Variants in RUNX1 observed in about 807,000 individuals in gnomAD.
RUNX1 encodes the protein RUNX family transcription factor 1, also known as runt-related transcription factor 1.
In RUNX1, 19 loss-of-function variants were observed where a neutral mutation model predicts 42.8. The ratio of observed to expected loss-of-function variants is 0.44; its 90% CI spans 0.31 to 0.65. The LOEUF (loss-of-function observed/expected upper bound fraction) is 0.65. RUNX1 is among the 30% of genes least tolerant of loss of function. RUNX1 has a pLI of 0.07. For synonymous variants in RUNX1, 271 were observed against 289.4 expected, an observed-to-expected ratio of 0.94 and a Z score of 0.64; for missense variants, 528 against 672.0, an observed-to-expected ratio of 0.79 and a Z score of 2.37.
At chr21:35,043,565 ATTTGTGATGTGT>A (rs1203783035) in intron 2 of RUNX1, among the ~76,000 whole-genome samples, 1 of 152,186 alleles carries the variant, frequency 6.6e-6, no homozygotes, top group African/African-American at 2.4e-5. Flanking sequence ...AGCTAAGAAG[ATTTGTGATGTGT>A]TTTATGGTAC....
chr21:35,041,861 A>G (rs1327306886), intron 2 of RUNX1, among the ~76,000 whole-genome samples: 1 of 152,190 alleles, frequency 6.6e-6, no homozygotes, highest in Non-Finnish European at 1.5e-5. Flanking sequence ...ATCAGAGATA[A>G]AAACCTCTTT....
chr21:34,894,026 G>T (rs2058109087), intron 2 of RUNX1, among the ~76,000 whole-genome samples: 1 of 152,128 alleles, frequency 6.6e-6, no homozygotes. Context: ...TAGATAAAAT[G>T]ACTCCATGAA....
intron 2 of RUNX1, among the ~76,000 whole-genome samples, chr21:34,923,431 G>A (rs971428643): frequency 1.3e-5 from 2 of 152,160 alleles, no homozygotes; most frequent in Non-Finnish European, 2.9e-5. Flanking sequence ...AGTTATGCAC[G>A]TTTTTAAGTT....
chr21:34,932,541 A>C (rs2058455084), intron 2 of RUNX1, among the ~76,000 whole-genome samples: 1 of 152,158 alleles, frequency 6.6e-6, no homozygotes, highest in Non-Finnish European at 1.5e-5. Flanking sequence ...ATCTTTACCT[A>C]TGTAAAACAG....
chr21:34,794,978 A>G (rs8132222), intron 8 of RUNX1, among the ~76,000 whole-genome samples: 13,183 of 152,218 alleles, frequency 0.087, 1,568 homozygotes, highest in African/African-American at 0.27. Context: ...GCAGATGTAG[A>G]AGGGCACCCT....
In RUNX1 at chr21:34,972,318, A is replaced by G. The variant is rs183482093; in HGVS notation, c.58+76524T>C. 1.1e-3 allele frequency among the ~76,000 whole-genome samples: 168 copies of G among 152,280 alleles called. 1 individual carries two copies. The highest frequency in any genetic ancestry group is 3.8e-3 in the African/African-American group (159 of 41,560). ...CTATGGCAAAACATTTTCCAATTCT[A>G]TGGTAATTAAATAAATAGAAGTTTT... On this transcript the variant is annotated intron_variant, in intron 2 of 8. Coordinates refer to ENST00000675419, the MANE Select transcript of RUNX1 (RefSeq NM_001754.5).
At chr21:34,842,006 CTGAA>C (rs892526943) in intron 6 of RUNX1, among the ~76,000 whole-genome samples, 31 of 151,990 alleles carry the variant, frequency 2.0e-4, no homozygotes, top group African/African-American at 6.8e-4. Flanking sequence ...CTAATGTTGG[CTGAA>C]TGAATGAATG....
chr21:34,874,346 A>T (rs1030087268), intron 5 of RUNX1, among the ~76,000 whole-genome samples: 15 of 152,022 alleles, frequency 9.9e-5, no homozygotes, highest in African/African-American at 3.6e-4. Context: ...ACGGTGGCTC[A>T]CGACTGTAAT....
rs2057559305 is a variant in RUNX1 at position 34,860,544 on chromosome 21, T to G, written c.509-966A>C. Among the ~76,000 whole-genome samples the G allele has an allele frequency of 4.6e-5, 7 of 152,056 alleles. No individual in the cohort carries two copies. The South Asian group carries it at 1.5e-3, about 32-fold the overall frequency. ...GTGTGTCTGTGCGTGTGTGTGTGTG[T>G]GTGTGTGTATGTTGTCTGCTTTATT... On this transcript the variant is annotated intron_variant, in intron 5 of 8. Transcript: ENST00000675419.
intron 2 of RUNX1, among the ~76,000 whole-genome samples, chr21:34,948,279 A>C (rs76436004): frequency 2.6e-5 from 4 of 152,264 alleles, no homozygotes; most frequent in Non-Finnish European, 5.9e-5. Context: ...GCCAACGTGC[A>C]CCTAACCTGA....
At chr21:34,852,339 C>CT (rs2057434351) in intron 6 of RUNX1, among the ~76,000 whole-genome samples, 1 of 152,168 alleles carries the variant, frequency 6.6e-6, no homozygotes, top group Non-Finnish European at 1.5e-5. Flanking sequence ...ATTCCCTTCA[C>CT]GGTCCTCTTA....
At chr21:34,903,045 T>A (rs964261259) in intron 2 of RUNX1, among the ~76,000 whole-genome samples, 2 of 152,134 alleles carry the variant, frequency 1.3e-5, no homozygotes, top group African/African-American at 4.8e-5. Context: ...AAAAAGCAGA[T>A]TCAAGAAGAT....
intron 5 of RUNX1, among the ~76,000 whole-genome samples, chr21:34,877,710 G>A (rs1464845435): frequency 6.6e-6 from 1 of 152,228 alleles, no homozygotes; most frequent in Non-Finnish European, 1.5e-5. Flanking sequence ...GTTAGGAGCT[G>A]TGATCCTGGA....
At chr21:34,980,859 G>C (rs148899841) in intron 2 of RUNX1, among the ~76,000 whole-genome samples, 1 of 152,296 alleles carries the variant, frequency 6.6e-6, no homozygotes, top group African/African-American at 2.4e-5. Context: ...ACAGAACCTG[G>C]AATCATCAGC....
chr21:34,891,526 C>G (rs1470925891), intron 3 of RUNX1, among the ~76,000 whole-genome samples: 1 of 152,068 alleles, frequency 6.6e-6, no homozygotes, highest in Non-Finnish European at 1.5e-5. Context: ...CCTGCACTTT[C>G]AAGGACAGCC....
At chr21:34,922,737 C>T (rs1411953247) in intron 2 of RUNX1, among the ~76,000 whole-genome samples, 1 of 152,182 alleles carries the variant, frequency 6.6e-6, no homozygotes, top group Non-Finnish European at 1.5e-5. Flanking sequence ...CCTCATTGTC[C>T]TTCTGGTAGG....
intron 2 of RUNX1, among the ~76,000 whole-genome samples, chr21:34,993,498 T>TAC (rs71324340): frequency 0.31 from 39,960 of 128,172 alleles, 6,296 homozygotes; most frequent in South Asian, 0.37. Flanking sequence ...TGTTTGTCCC[T>TAC]ACACACACAC....
At chr21:34,915,327 C>A (rs993380171) in intron 2 of RUNX1, among the ~76,000 whole-genome samples, 3 of 151,958 alleles carry the variant, frequency 2.0e-5, no homozygotes. Flanking sequence ...GGGAGTGCAC[C>A]CTTTATGAGG....
At chr21:34,964,026 G>C (rs1197959517) in intron 2 of RUNX1, among the ~76,000 whole-genome samples, 1 of 152,174 alleles carries the variant, frequency 6.6e-6, no homozygotes, top group Non-Finnish European at 1.5e-5. Context: ...TTTTACCCCT[G>C]TACTCACAGA....
Sources: gnomAD v4.1 joint callset for allele counts (sites outside exome capture counted in the v4.1 genomes callset) on GRCh38, gnomAD v4.1.1 for gene constraint, MANE v1.5 for transcripts, NCBI Gene and HGNC (gene_info 2026-07-23, HGNC 2026-07-21) for gene names.